The following SLC16A7 variants were observed in gnomAD, a reference collection of about 807,000 sequenced individuals.
The protein encoded by SLC16A7 is monocarboxylate transporter 2.
Under a neutral mutation model 34.9 loss-of-function variants are expected in SLC16A7, and 33 were observed. That is an observed-to-expected ratio of 0.94 (90% confidence interval 0.72 to 1.26). The LOEUF (loss-of-function observed/expected upper bound fraction) is 1.26, where lower values mean the gene tolerates loss of function less well. SLC16A7 is among the 50% of genes most tolerant of loss of function. The pLI is 0.00. For missense variants in SLC16A7, 573 were observed against 578.1 expected (o/e 0.99, Z 0.09); for synonymous variants, 201 against 206.6 (o/e 0.97, Z 0.23).
intron 1 of SLC16A7, among the ~76,000 whole-genome samples, chr12:59,633,759 C>T (rs576283748): frequency 1.3e-5 from 2 of 152,014 alleles, no homozygotes; most frequent in East Asian, 1.9e-4. Flanking sequence ...TCCATGTCAA[C>T]AGGAGAGAGA....
chr12:59,757,539 A>G (rs1880526623), intron 3 of SLC16A7, among the ~76,000 whole-genome samples: 1 of 152,208 alleles, frequency 6.6e-6, no homozygotes, highest in African/African-American at 2.4e-5. Context: ...GAACTAAAGC[A>G]AAATGGTGGA....
chr12:59,609,447 C>T (rs1287413204), intron 1 of SLC16A7, among the ~76,000 whole-genome samples: 3 of 149,726 alleles, frequency 2.0e-5, no homozygotes, highest in African/African-American at 7.4e-5. Context: ...GGCAGATAAG[C>T]GACTTAGAGA....
chr12:59,715,981 C>G (rs1289755279), intron 3 of SLC16A7, among the ~76,000 whole-genome samples: 1 of 152,052 alleles, frequency 6.6e-6, no homozygotes, highest in Non-Finnish European at 1.5e-5. Context: ...TACTGAAGTT[C>G]TTTTTAAAGG....
At chr12:59,705,560 G>T (rs1873469365) in intron 3 of SLC16A7, among the ~76,000 whole-genome samples, 2 of 152,086 alleles carry the variant, frequency 1.3e-5, no homozygotes, top group African/African-American at 2.4e-5. Flanking sequence ...AACTTAAATT[G>T]TTGCTTGGAA....
chr12:59,741,157 A>G (rs1454768144), intron 3 of SLC16A7, among the ~76,000 whole-genome samples: 1 of 152,160 alleles, frequency 6.6e-6, no homozygotes, highest in East Asian at 1.9e-4. Context: ...TATAGATTCA[A>G]TGCCATCCCC....
At chr12:59,727,265 C>T (rs903030797) in intron 3 of SLC16A7, among the ~76,000 whole-genome samples, 4 of 151,490 alleles carry the variant, frequency 2.6e-5, no homozygotes, top group Non-Finnish European at 4.4e-5. Context: ...CTGGTGATGA[C>T]GTTAACAGTT....
chr12:59,765,428 A>ACATTCAGGTAC (rs1881495585), intron 3 of SLC16A7, among the ~76,000 whole-genome samples: 1 of 152,194 alleles, frequency 6.6e-6, no homozygotes, highest in Admixed American at 6.5e-5. Flanking sequence ...CCTGAATGGT[A>ACATTCAGGTAC]ATGCCTAGGT....
chr12:59,667,735 T>C (rs1869323962), intron 2 of SLC16A7, among the ~76,000 whole-genome samples: 1 of 152,132 alleles, frequency 6.6e-6, no homozygotes, highest in African/African-American at 2.4e-5. Flanking sequence ...CAAATGCTAA[T>C]CACCAAGACA....
chr12:59,717,333 G>C (rs986309584), intron 3 of SLC16A7, among the ~76,000 whole-genome samples: 2 of 152,100 alleles, frequency 1.3e-5, no homozygotes, highest in Non-Finnish European at 2.9e-5. Context: ...CTTTCCAAAT[G>C]CCTCTTGGGC....
intron 2 of SLC16A7, among the ~76,000 whole-genome samples, chr12:59,687,017 T>C (rs1008169585): frequency 6.6e-6 from 1 of 151,988 alleles, no homozygotes; most frequent in East Asian, 1.9e-4. Flanking sequence ...AATGTATACA[T>C]ATAGCAAAAC....
chr12:59,702,845 T>A (rs1349392436), intron 2 of SLC16A7, among the ~76,000 whole-genome samples: 1 of 152,078 alleles, frequency 6.6e-6, no homozygotes, highest in Admixed American at 6.6e-5. Flanking sequence ...CAGTCTTATT[T>A]CTAATTCTAT....
At chr12:59,772,306 A>G (rs1231720534) in intron 4 of SLC16A7, among the ~76,000 whole-genome samples, 1 of 152,176 alleles carries the variant, frequency 6.6e-6, no homozygotes, top group Non-Finnish European at 1.5e-5. Flanking sequence ...AATGCATTTA[A>G]TATTGTAAAT....
intron 1 of SLC16A7, among the ~76,000 whole-genome samples, chr12:59,615,108 T>C (rs2136973081): frequency 6.6e-6 from 1 of 152,242 alleles, no homozygotes; most frequent in African/African-American, 2.4e-5. Flanking sequence ...ACGCAATGTT[T>C]CCTCTCAGTA....
intron 2 of SLC16A7, among the ~76,000 whole-genome samples, chr12:59,696,025 G>T (rs950991153): frequency 6.6e-6 from 1 of 151,594 alleles, no homozygotes; most frequent in Non-Finnish European, 1.5e-5. Flanking sequence ...ATTGTCAGTG[G>T]ATATTTAATT....
rs1213866912 is a variant in SLC16A7 at position 59,786,176 on chromosome 12, A to G, written c.*6497A>G. 1 of 149,326 alleles carries G rather than the reference A, an allele frequency of 6.7e-6. No individual in the cohort carries two copies. The highest frequency in any genetic ancestry group is 1.5e-5 in the Non-Finnish European group (1 of 67,884). 9.3% of individuals were successfully genotyped at this position (149,326 alleles called of 1,614,324 possible). ...ATTGTGCACATGTACCCTAAAACTT[A>G]AAGTATAATAATAATAAATAAAATA... On this transcript the variant is annotated 3_prime_UTR_variant, in exon 6 of 6. Coordinates refer to ENST00000547379, the MANE Select transcript of SLC16A7 (RefSeq NM_001270623.2).
At chr12:59,748,306 C>T (rs1879118840) in intron 3 of SLC16A7, among the ~76,000 whole-genome samples, 1 of 152,104 alleles carries the variant, frequency 6.6e-6, no homozygotes, top group African/African-American at 2.4e-5. Flanking sequence ...TGTAAACAAA[C>T]ATAAGGACAC....
At chr12:59,751,367 A>G (rs539721270) in intron 3 of SLC16A7, among the ~76,000 whole-genome samples, 5 of 152,244 alleles carry the variant, frequency 3.3e-5, no homozygotes, top group Non-Finnish European at 7.3e-5. Flanking sequence ...AAGGTGTGAC[A>G]GAGGCACCTG....
intron 3 of SLC16A7, among the ~76,000 whole-genome samples, chr12:59,716,060 T>G (rs773437844): frequency 2.6e-5 from 4 of 152,098 alleles, no homozygotes; most frequent in Non-Finnish European, 5.9e-5. Context: ...ACTAGAAGGG[T>G]GTTAAGTGTA....
At chr12:59,615,901 G>C (rs953763616) in intron 1 of SLC16A7, among the ~76,000 whole-genome samples, 1 of 152,146 alleles carries the variant, frequency 6.6e-6, no homozygotes, top group African/African-American at 2.4e-5. Flanking sequence ...TTGCACCCTG[G>C]CCTGGTTCCT....
Sources: allele counts gnomAD v4.1 joint callset (sites outside exome capture counted in the v4.1 genomes callset), GRCh38; gene constraint gnomAD v4.1.1; transcripts MANE v1.5; gene names NCBI Gene and HGNC (gene_info 2026-07-23, HGNC 2026-07-21).